CEP128: variants seen among roughly 807,000 people sequenced by gnomAD.
CEP128 encodes the protein centrosomal protein 128, also known as centrosomal protein 128kDa.
A neutral mutation model predicts 156.7 loss-of-function variants in CEP128; 132 were observed. That is an observed-to-expected ratio of 0.84 (90% CI 0.73 to 0.97). The LOEUF is 0.97. Ranked by LOEUF, CEP128 falls within the 50% of genes least tolerant of loss-of-function variation. CEP128 has a pLI of 0.00. For synonymous variants in CEP128, 469 were observed against 448.9 expected, an observed-to-expected ratio of 1.04 and a Z score of -0.57; for missense variants, 1,252 against 1,281.9, an observed-to-expected ratio of 0.98 and a Z score of 0.36.
At chr14:80,889,962 G>A (rs1261661441) in intron 8 of CEP128, among the ~76,000 whole-genome samples, 1 of 152,030 alleles carries the variant, frequency 6.6e-6, no homozygotes, top group Non-Finnish European at 1.5e-5. Context: ...AAAAAACTGG[G>A]CAAAGGATAT....
intron 8 of CEP128, among the ~76,000 whole-genome samples, chr14:80,885,449 T>A (rs776231139): frequency 1.3e-5 from 2 of 152,182 alleles, no homozygotes; most frequent in Non-Finnish European, 2.9e-5. Flanking sequence ...CAATATTTGC[T>A]GTTCTGCAGC....
chr14:80,583,717 C>T (rs1294054010), intron 19 of CEP128, among the ~76,000 whole-genome samples: 1 of 152,210 alleles, frequency 6.6e-6, no homozygotes, highest in Non-Finnish European at 1.5e-5. Flanking sequence ...TTGACTGAAG[C>T]CCACAAACCT....
At chr14:80,807,081 C>T (rs1884221831) in intron 13 of CEP128, among the ~76,000 whole-genome samples, 1 of 150,674 alleles carries the variant, frequency 6.6e-6, no homozygotes, top group Admixed American at 6.6e-5. Context: ...ATATAATAAT[C>T]TTTTTTTTTA....
chr14:80,523,709 T>C (rs995112745), intron 23 of CEP128, among the ~76,000 whole-genome samples: 4 of 152,196 alleles, frequency 2.6e-5, no homozygotes, highest in African/African-American at 9.6e-5. Context: ...ACTCAATAAA[T>C]ATTTGTTGAA....
chr14:80,847,155 A>G (rs1036632262), intron 9 of CEP128, among the ~76,000 whole-genome samples: 2 of 152,080 alleles, frequency 1.3e-5, no homozygotes, highest in African/African-American at 4.8e-5. Context: ...AAAAACATCA[A>G]AAGTGTTTTA....
chr14:80,829,644 G>A (rs1264897934), intron 13 of CEP128, among the ~76,000 whole-genome samples: 1 of 152,174 alleles, frequency 6.6e-6, no homozygotes, highest in Non-Finnish European at 1.5e-5. Flanking sequence ...TATGTTGCCA[G>A]CACTTAGAAC....
rs575115090 is a variant in CEP128 at position 80,905,620 on chromosome 14, A to G, written c.361+335T>C. On this transcript the variant is annotated intron_variant, in intron 5 of 24. Transcript: ENST00000555265. ...TATTTCATAAAACATGTGAAAATCT[A>G]TTACGCTAGGACAGGATACCTAACC... 1.6e-5 allele frequency: 3 copies of G among 193,456 alleles called. No homozygotes were observed. In the East Asian group the frequency reaches 5.0e-4, roughly 32 times the overall value. The allele number at this position is 193,456 out of a possible 1,614,324, so 12.0% of individuals were successfully genotyped here. A position where few individuals can be genotyped will look rare whatever the true frequency, so the allele number is the denominator to read the frequency against.
At chr14:80,728,833 C>A (rs984760703) in intron 19 of CEP128, among the ~76,000 whole-genome samples, 3 of 152,050 alleles carry the variant, frequency 2.0e-5, no homozygotes. Flanking sequence ...TATACTAGAC[C>A]AAAGTTGCAT....
chr14:80,796,257 G>A (rs762170796), intron 13 of CEP128, among the ~76,000 whole-genome samples: 6 of 152,204 alleles, frequency 3.9e-5, no homozygotes, highest in East Asian at 1.9e-4. Flanking sequence ...CCAGGAGTTC[G>A]AGATTAGCCT....
chr14:80,671,222 C>A (rs1232478430), intron 19 of CEP128, among the ~76,000 whole-genome samples: 2 of 152,088 alleles, frequency 1.3e-5, no homozygotes, highest in African/African-American at 4.8e-5. Flanking sequence ...AGCTAGAAAG[C>A]TAAACATTTC....
At chr14:80,725,396 C>T (rs943050492) in intron 19 of CEP128, among the ~76,000 whole-genome samples, 22 of 151,628 alleles carry the variant, frequency 1.5e-4, no homozygotes, top group African/African-American at 5.1e-4. Flanking sequence ...TTGGCCAGGC[C>T]GGTCTCGAAC....
intron 19 of CEP128, among the ~76,000 whole-genome samples, chr14:80,607,116 ATG>A (rs1477247954): frequency 1.3e-5 from 2 of 151,988 alleles, no homozygotes; most frequent in East Asian, 1.9e-4. Flanking sequence ...AATGAGCTAC[ATG>A]TGTTTATCTT....
At chr14:80,631,831 A>C (rs1893970952) in intron 19 of CEP128, among the ~76,000 whole-genome samples, 1 of 152,076 alleles carries the variant, frequency 6.6e-6, no homozygotes, top group Non-Finnish European at 1.5e-5. Context: ...CAGGGACCTC[A>C]CCATATTAAG....
chr14:80,780,600 C>T (rs548386728), intron 15 of CEP128, among the ~76,000 whole-genome samples: 1 of 151,520 alleles, frequency 6.6e-6, no homozygotes, highest in East Asian at 1.9e-4. Context: ...ATTCTAAATT[C>T]TTTACACATA....
chr14:80,505,842 C>CTCAT (rs568913697), intron 23 of CEP128, among the ~76,000 whole-genome samples: 7 of 152,244 alleles, frequency 4.6e-5, no homozygotes, highest in African/African-American at 1.7e-4. Context: ...CCTTCTTTCA[C>CTCAT]TCATTCATTC....
At chr14:80,762,038 G>GA (rs1172131674) in intron 16 of CEP128, among the ~76,000 whole-genome samples, 2 of 151,800 alleles carry the variant, frequency 1.3e-5, no homozygotes, top group African/African-American at 2.4e-5. Context: ...TTCATTTGAG[G>GA]AAAAAAATAA....
At chr14:80,766,616 G>T (rs1466369965) in intron 16 of CEP128, among the ~76,000 whole-genome samples, 1 of 152,056 alleles carries the variant, frequency 6.6e-6, no homozygotes, top group Non-Finnish European at 1.5e-5. Flanking sequence ...TTTAGAATAT[G>T]GCTATTACAT....
intron 19 of CEP128, among the ~76,000 whole-genome samples, chr14:80,626,457 C>T (rs1193413734): frequency 1.8e-5 from 2 of 113,524 alleles, no homozygotes; most frequent in African/African-American, 3.7e-5. Context: ...GGCGACAGAG[C>T]GAGACTCCGT....
intron 8 of CEP128, among the ~76,000 whole-genome samples, chr14:80,864,979 T>G (rs1455669372): frequency 6.6e-6 from 1 of 152,192 alleles, no homozygotes; most frequent in Non-Finnish European, 1.5e-5. Context: ...CTAACATTAT[T>G]TTTGCCAATA....
Sources: gnomAD v4.1 joint callset for allele counts (sites outside exome capture counted in the v4.1 genomes callset) on GRCh38, gnomAD v4.1.1 for gene constraint, MANE v1.5 for transcripts, NCBI Gene and HGNC (gene_info 2026-07-23, HGNC 2026-07-21) for gene names.